SNTG1: variants seen among roughly 807,000 people sequenced by gnomAD.
SNTG1 encodes the protein syntrophin gamma 1, also known as gamma-1-syntrophin.
Under a neutral mutation model 74.7 loss-of-function variants are expected in SNTG1, and 39 were observed. The observed-to-expected ratio is 0.52, with a 90% CI of 0.40 to 0.68. The LOEUF (loss-of-function observed/expected upper bound fraction) is 0.68, where lower values mean the gene tolerates loss of function less well. SNTG1 is among the 30% of genes least tolerant of loss of function. SNTG1 has a pLI of 0.00. For synonymous variants in SNTG1, 254 were observed against 217.1 expected, an observed-to-expected ratio of 1.17 and a Z score of -1.49; for missense variants, 685 against 609.5, an observed-to-expected ratio of 1.12 and a Z score of -1.30.
At chr8:49,921,734 C>T (rs1042740291) in intron 1 of SNTG1, among the ~76,000 whole-genome samples, 5 of 152,232 alleles carry the variant, frequency 3.3e-5, no homozygotes, top group Admixed American at 3.3e-4. Context: ...CAAAAAGATA[C>T]ACATACTACC....
At chr8:49,997,295 A>T (rs1348740096) in intron 1 of SNTG1, among the ~76,000 whole-genome samples, 1 of 152,020 alleles carries the variant, frequency 6.6e-6, no homozygotes, top group African/African-American at 2.4e-5. Context: ...CGCTTTCCAT[A>T]AATTCTTTCC....
intron 2 of SNTG1, among the ~76,000 whole-genome samples, chr8:50,215,869 T>G (rs983580782): frequency 2.6e-5 from 4 of 152,138 alleles, no homozygotes; most frequent in Non-Finnish European, 5.9e-5. Flanking sequence ...GCAAAAAACT[T>G]CTTATGAGTA....
At chr8:50,329,417 A>C (rs1202848408) in intron 2 of SNTG1, among the ~76,000 whole-genome samples, 1 of 152,142 alleles carries the variant, frequency 6.6e-6, no homozygotes, top group African/African-American at 2.4e-5. Flanking sequence ...GCGCATTCCC[A>C]AACATCCTCT....
chr8:50,739,255 A>T (rs936722097), intron 17 of SNTG1, among the ~76,000 whole-genome samples: 1 of 152,186 alleles, frequency 6.6e-6, no homozygotes, highest in African/African-American at 2.4e-5. Context: ...TGGGCCAAGT[A>T]TATGAACAGA....
chr8:50,413,317 T>G (rs2092973211), intron 4 of SNTG1, among the ~76,000 whole-genome samples: 1 of 152,214 alleles, frequency 6.6e-6, no homozygotes, highest in African/African-American at 2.4e-5. Context: ...TATCAATAGA[T>G]TAATTTAACA....
chr8:50,048,185 T>C (rs944202540), intron 1 of SNTG1, among the ~76,000 whole-genome samples: 2 of 152,176 alleles, frequency 1.3e-5, no homozygotes, highest in African/African-American at 4.8e-5. Context: ...TTAAATCTTC[T>C]GAATTTTAGT....
chr8:50,542,446 C>T (rs769518189), intron 11 of SNTG1, among the ~76,000 whole-genome samples: 8 of 152,026 alleles, frequency 5.3e-5, no homozygotes, highest in Non-Finnish European at 1.2e-4. Context: ...CATGAGCCAC[C>T]GCACCTGGCC....
At chr8:50,297,613 G>A (rs2089446611) in intron 2 of SNTG1, among the ~76,000 whole-genome samples, 1 of 152,146 alleles carries the variant, frequency 6.6e-6, no homozygotes, top group Non-Finnish European at 1.5e-5. Context: ...CAGAGGTGGG[G>A]AGGCTACACA....
At chr8:50,403,899 CA>C (rs1002418652) in intron 4 of SNTG1, among the ~76,000 whole-genome samples, 3 of 152,138 alleles carry the variant, frequency 2.0e-5, no homozygotes, top group African/African-American at 7.2e-5. Context: ...GAAAGCAAGT[CA>C]AGGATAATAC....
chr8:50,148,415 A>T (rs2081946653), intron 1 of SNTG1, among the ~76,000 whole-genome samples: 1 of 152,014 alleles, frequency 6.6e-6, no homozygotes, highest in Non-Finnish European at 1.5e-5. Context: ...TTGTTTATTA[A>T]TTTTTTTATT....
intron 8 of SNTG1, among the ~76,000 whole-genome samples, chr8:50,491,891 C>A (rs1043637511): frequency 6.6e-6 from 1 of 151,368 alleles, no homozygotes; most frequent in African/African-American, 2.4e-5. Flanking sequence ...CCCCCGCCCC[C>A]CTACCACCCG....
At chr8:50,723,537 C>G (rs2095492744) in intron 17 of SNTG1, among the ~76,000 whole-genome samples, 1 of 152,184 alleles carries the variant, frequency 6.6e-6, no homozygotes, top group African/African-American at 2.4e-5. Context: ...GTTTCCCCCA[C>G]TTCCCGATTA....
At chr8:50,744,863 G>C (rs964120616) in intron 17 of SNTG1, among the ~76,000 whole-genome samples, 3 of 151,966 alleles carry the variant, frequency 2.0e-5, no homozygotes, top group Non-Finnish European at 4.4e-5. Flanking sequence ...AAAGGATAAA[G>C]TTAGACCCTG....
intron 4 of SNTG1, among the ~76,000 whole-genome samples, chr8:50,431,414 T>C: frequency 6.6e-6 from 1 of 152,344 alleles, no homozygotes; most frequent in South Asian, 2.1e-4. Context: ...ACTGTATAGA[T>C]GTACCACAGT....
intron 18 of SNTG1, among the ~76,000 whole-genome samples, chr8:50,759,763 T>G (rs989049619): frequency 1.3e-5 from 2 of 152,120 alleles, no homozygotes; most frequent in Non-Finnish European, 2.9e-5. Context: ...TAGTATAGTT[T>G]GAAGTAAGGT....
At chr8:50,165,330 G>T (rs1467239500) in intron 1 of SNTG1, among the ~76,000 whole-genome samples, 2 of 152,216 alleles carry the variant, frequency 1.3e-5, no homozygotes, top group African/African-American at 4.8e-5. Flanking sequence ...CAGTGACAGA[G>T]ATGAGGCTTT....
rs143888326 is a variant in SNTG1, at chr8:50,650,906, G to A, written c.850-6003G>A. ...AGAAGACACAGGGTTTCACCATGTG[G>A]GCCAGGCTGGTCTCGAACTCTTGAC... On this transcript the variant is annotated intron_variant, in intron 13 of 18. Coordinates refer to ENST00000642720, the MANE Select transcript of SNTG1 (RefSeq NM_018967.5). Among the ~76,000 whole-genome samples, 325 of 152,092 alleles carry A rather than the reference G, an allele frequency of 2.1e-3. 1 individual carries two copies. Among genetic ancestry groups the A allele is most frequent in the African/African-American group, 7.4e-3 (307 of 41,504 alleles).
chr8:50,058,950 T>C (rs573006968), intron 1 of SNTG1, among the ~76,000 whole-genome samples: 16 of 152,224 alleles, frequency 1.1e-4, no homozygotes, highest in African/African-American at 3.4e-4. Context: ...GTTCTCCATT[T>C]TCCAAACTTT....
chr8:50,254,588 G>T (rs184890068), intron 2 of SNTG1, among the ~76,000 whole-genome samples: 1 of 152,112 alleles, frequency 6.6e-6, no homozygotes, highest in African/African-American at 2.4e-5. Flanking sequence ...TGACTCACAC[G>T]TGAATCCCAG....
Sources: gnomAD v4.1 joint callset for allele counts (sites outside exome capture counted in the v4.1 genomes callset) on GRCh38, gnomAD v4.1.1 for gene constraint, MANE v1.5 for transcripts, NCBI Gene and HGNC (gene_info 2026-07-23, HGNC 2026-07-21) for gene names.